PLCH2: variants seen among roughly 807,000 people sequenced by gnomAD.
PLCH2 encodes the protein phospholipase C eta 2.
In PLCH2, 98 loss-of-function variants were observed where a neutral mutation model predicts 134.7. The ratio of observed to expected loss-of-function variants is 0.73; its 90% CI spans 0.62 to 0.86. The LOEUF is 0.86. Ranked by LOEUF, PLCH2 falls within the 40% of genes least tolerant of loss-of-function variation. The probability of loss-of-function intolerance (pLI) is 0.00; values close to 1 mark genes in which losing one functional copy is unlikely to be tolerated. For synonymous variants in PLCH2, 974 were observed against 827.5 expected (o/e 1.18, Z -3.04); for missense variants, 1,994 against 1,986.6 (o/e 1.00, Z -0.07).
intron 2 of PLCH2, among the ~76,000 whole-genome samples, chr1:2,442,589 C>A (rs1639741658): frequency 6.6e-6 from 1 of 152,216 alleles, no homozygotes; most frequent in African/African-American, 2.4e-5. Flanking sequence ...CTGGCGAGGA[C>A]CCCCTCTCAG....
intron 2 of PLCH2, among the ~76,000 whole-genome samples, chr1:2,437,487 C>T (rs1391931264): frequency 6.6e-6 from 1 of 152,138 alleles, no homozygotes; most frequent in African/African-American, 2.4e-5. Context: ...ACTAGGGGGC[C>T]CAGATCCTGG....
intron 2 of PLCH2, among the ~76,000 whole-genome samples, chr1:2,454,712 G>A (rs1028142818): frequency 6.6e-6 from 1 of 152,202 alleles, no homozygotes; most frequent in East Asian, 1.9e-4. Flanking sequence ...GGGATAAACC[G>A]GGAATGGTGG....
At chr1:2,495,426 C>A (rs374836012) in intron 12 of PLCH2, 62 bp from the exon 13 acceptor site, 2 of 1,426,190 alleles carry the variant, frequency 1.4e-6, no homozygotes, top group Non-Finnish European at 1.9e-6. Flanking sequence ...AACCCCCCAG[C>A]CTTCGCCAAG....
chr1:2,441,980 A>G lies in PLCH2; in HGVS notation c.115+11351A>G, dbSNP rs1175084273. Among the ~76,000 whole-genome samples the G allele has an allele frequency of 1.3e-5, 2 of 152,132 alleles. 1 individual carries two copies. The highest frequency in any genetic ancestry group is 4.8e-5 in the African/African-American group (2 of 41,424). Reference sequence around the variant, plus strand: ...CCTCAGCCAGATGAAACATCCGGGAACACACACCCGGCACAGAGTCTCCAG... The same window carrying G: ...CCTCAGCCAGATGAAACATCCGGGAGCACACACCCGGCACAGAGTCTCCAG... On this transcript the variant is annotated intron_variant, in intron 2 of 3. Transcript: ENST00000609981.
chr1:2,430,069 G>A (rs1638994221), intron 1 of PLCH2, among the ~76,000 whole-genome samples: 1 of 152,210 alleles, frequency 6.6e-6, no homozygotes, highest in African/African-American at 2.4e-5. Context: ...GGCTTCCTCT[G>A]TGACTGCCCC....
intron 2 of PLCH2, among the ~76,000 whole-genome samples, chr1:2,450,940 G>A (rs1640193112): frequency 2.0e-5 from 3 of 151,464 alleles, no homozygotes; most frequent in African/African-American, 7.3e-5. Context: ...GTGGTTGTGA[G>A]GGTGAGCAGG....
At position 2,489,678 on chromosome 1, in the gene PLCH2, C is replaced by T. The variant is rs150587474; in HGVS notation, c.1408-82C>T. 9.0e-4 allele frequency: 1,025 copies of T among 1,133,956 alleles called. 11 individuals are homozygous for T. The African/African-American group carries it at 0.013, about 15-fold the overall frequency. The allele number at this position is 1,133,956 out of a possible 1,614,324, so 70.2% of individuals were successfully genotyped here. A position where few individuals can be genotyped will look rare whatever the true frequency, so the allele number is the denominator to read the frequency against. ...CTTGAGAAAAGGCCCCTCTCCTTGG[C>T]CGGCGGCTCTTTGTGGGTGCCAGGT... On this transcript the variant is annotated intron_variant, in intron 9 of 21. Transcript: ENST00000378486.
In PLCH2 at chr1:2,504,077, G is replaced by A. The variant is rs1314080005; in HGVS notation, c.3115G>A (p.Ala1039Thr). The A allele has an allele frequency of 1.9e-6, 3 of 1,548,326 alleles. No homozygotes were observed. Among genetic ancestry groups the A allele is most frequent in the Non-Finnish European group, 2.6e-6 (3 of 1,147,028 alleles). Residue 1039 changes from alanine (A) to threonine (T), a missense_variant, in exon 22 of 22, where the codon GCC becomes ACC. Physicochemically the swap from Ala to Thr is moderately conservative, Grantham distance 58. Around this residue, in one of 2 missense-constraint regions of PLCH2, gnomAD observed 900 missense variants for 752.3 expected, o/e 1.20. Coordinates refer to ENST00000378486, the MANE Select transcript of PLCH2 (RefSeq NM_014638.4). ...GCCCCCATACCCCACAGGACCCGGA[G>A]CCAATGTGGCAAGCCCCCTAGAGGA... ...GRPPYPTGPGANVASPLEDTE... is the reference protein window; with the variant it reads ...GRPPYPTGPGTNVASPLEDTE...
At chr1:2,469,495 C>G (rs183968520) in intron 1 of PLCH2, among the ~76,000 whole-genome samples, 5 of 152,232 alleles carry the variant, frequency 3.3e-5, no homozygotes, top group Non-Finnish European at 7.3e-5. Flanking sequence ...GAGCTGATGA[C>G]GATGGCGTCC....
At chr1:2,428,372 G>A (rs1638899967) in intron 1 of PLCH2, among the ~76,000 whole-genome samples, 1 of 152,226 alleles carries the variant, frequency 6.6e-6, no homozygotes, top group Admixed American at 6.5e-5. Context: ...CAGCTCTCCA[G>A]GAGCCGCAGA....
At chr1:2,433,406 G>T (rs1050912302) in intron 2 of PLCH2, among the ~76,000 whole-genome samples, 2 of 152,218 alleles carry the variant, frequency 1.3e-5, no homozygotes, top group Non-Finnish European at 2.9e-5. Context: ...ATCCGGGCCG[G>T]TGTGCTCCTG....
intron 2 of PLCH2, chr1:2,479,526 G>T: frequency 1.8e-6 from 1 of 553,212 alleles, no homozygotes; most frequent in Non-Finnish European, 3.2e-6. Flanking sequence ...AAGGGAAAGG[G>T]GGAGGGACAC....
intron 2 of PLCH2, among the ~76,000 whole-genome samples, chr1:2,437,219 C>T (rs368039619): frequency 2.0e-5 from 3 of 152,168 alleles, no homozygotes; most frequent in South Asian, 2.1e-4. Context: ...GGTTATGGCC[C>T]GGGGTCACTC....
At chr1:2,438,964 C>A (rs1317317790) in intron 2 of PLCH2, among the ~76,000 whole-genome samples, 2 of 152,216 alleles carry the variant, frequency 1.3e-5, no homozygotes, top group Non-Finnish European at 2.9e-5. Flanking sequence ...TCTGGATGGG[C>A]CGATGGAGCC....
At chr1:2,488,156 G>A (rs939029704) in intron 8 of PLCH2, among the ~76,000 whole-genome samples, 6 of 152,244 alleles carry the variant, frequency 3.9e-5, no homozygotes, top group African/African-American at 7.2e-5. Context: ...CATGAGGCTC[G>A]CAGGTGGGCA....
At chr1:2,503,189 G>A (rs1339689264) in intron 21 of PLCH2, 1 of 601,660 alleles carries the variant, frequency 1.7e-6, no homozygotes, top group East Asian at 2.9e-5. Flanking sequence ...AGGGTCTGGG[G>A]CCGGGACTGT....
chr1:2,468,409 G>C (rs774801468), intron 1 of PLCH2, among the ~76,000 whole-genome samples: 1 of 151,608 alleles, frequency 6.6e-6, no homozygotes, highest in East Asian at 1.9e-4. Flanking sequence ...CGGAAGCCCC[G>C]GGGCTGTTCA....
chr1:2,427,489 G>A (rs1352516483), intron 1 of PLCH2, among the ~76,000 whole-genome samples: 2 of 152,228 alleles, frequency 1.3e-5, no homozygotes, highest in Non-Finnish European at 2.9e-5. Context: ...GGGGCCTCAG[G>A]CCAGGAGGGA....
At chr1:2,492,948 C>T (rs1642675381) in intron 11 of PLCH2, among the ~76,000 whole-genome samples, 1 of 152,134 alleles carries the variant, frequency 6.6e-6, no homozygotes, top group South Asian at 2.1e-4. Flanking sequence ...CTGAGCACAA[C>T]CCGGTGAGTG....
Sources: gnomAD v4.1 joint callset for allele counts (sites outside exome capture counted in the v4.1 genomes callset) on GRCh38, gnomAD v4.1.1 for gene constraint, gnomAD v4.1.1 regional missense constraint, MANE v1.5 for transcripts, NCBI Gene and HGNC (gene_info 2026-07-23, HGNC 2026-07-21) for gene names.